NDE1: variants seen among roughly 807,000 people sequenced by gnomAD.
NDE1 encodes nuclear distribution protein nudE homolog 1.
Under a neutral mutation model 43.4 loss-of-function variants are expected in NDE1, and 28 were observed. That is an observed-to-expected ratio of 0.65 (90% confidence interval 0.48 to 0.89). NDE1 has a LOEUF of 0.89. Among genes scored for constraint, NDE1 ranks in the 40% least tolerant of loss-of-function variants. NDE1 has a pLI of 0.00. For synonymous variants in NDE1, 184 were observed against 172.0 expected (o/e 1.07, Z -0.55); for missense variants, 441 against 434.1 (o/e 1.02, Z -0.14).
intron 4 of NDE1, 119 bp downstream of exon 4, chr16:15,678,068 C>T: frequency 2.3e-6 from 3 of 1,292,846 alleles, no homozygotes; most frequent in Non-Finnish European, 3.3e-6. Flanking sequence ...AGAACAAAGC[C>T]AGTGCCCTTC....
At chr16:15,658,499 G>T (rs1432307055) in intron 1 of NDE1, among the ~76,000 whole-genome samples, 1 of 152,130 alleles carries the variant, frequency 6.6e-6, no homozygotes, top group Non-Finnish European at 1.5e-5. Context: ...CTCTTCCCAG[G>T]TGTGGAGGAT....
chr16:15,703,062 G>A (rs1206937226), intron 8 of NDE1: 3 of 175,288 alleles, frequency 1.7e-5, no homozygotes, highest in Non-Finnish European at 3.7e-5. Flanking sequence ...TCTTTGGGAC[G>A]ATGAAGCAAA....
intron 4 of NDE1, 111 bp from the exon 5 acceptor site, chr16:15,687,264 G>C: frequency 6.3e-7 from 1 of 1,595,672 alleles, no homozygotes; most frequent in Non-Finnish European, 8.5e-7. Flanking sequence ...GGAAGTTTGG[G>C]GCTGGGACTT....
Position 15,725,162 on chromosome 16 carries a change from C to CA in NDE1, c.*919dup, listed in dbSNP as rs886051749. 112 of 636,308 alleles carry CA rather than the reference C, an allele frequency of 1.8e-4. No individual in the cohort carries two copies. The highest frequency in any genetic ancestry group is 1.1e-3 in the South Asian group (58 of 54,738). 39.4% of individuals were successfully genotyped at this position (636,308 alleles called of 1,614,324 possible). A position where few individuals can be genotyped will look rare whatever the true frequency, so the allele number is the denominator to read the frequency against. ...AAAAAAAAAAAAACACACACACACA[C>CA]AAAAAAAACAGAATCTGTGGCTTGA... On this transcript the variant is annotated 3_prime_UTR_variant, in exon 9 of 9. Coordinates refer to ENST00000396354, the MANE Select transcript of NDE1 (RefSeq NM_017668.3).
In NDE1 at chr16:15,681,224, C is replaced by A. The variant is rs901971564; in HGVS notation, c.386+3275C>A. On this transcript the variant is annotated intron_variant, in intron 4 of 8. Transcript: ENST00000396354. ...TTTTTATTTTCTTTAGGTGGATAGC[C>A]CAGTTGTGCCAGCACTGTTAAACAC... Among the ~76,000 whole-genome samples the A allele has an allele frequency of 2.8e-4, 35 of 123,674 alleles. No homozygotes were observed. In the East Asian group the frequency reaches 5.6e-3, roughly 20 times the overall value. The allele number at this position is 123,674 out of a possible 152,430, so 81.1% of individuals were successfully genotyped here. A position where few individuals can be genotyped will look rare whatever the true frequency, so the allele number is the denominator to read the frequency against.
intron 8 of NDE1, among the ~76,000 whole-genome samples, chr16:15,721,943 C>T (rs969681434): frequency 7.2e-5 from 11 of 152,048 alleles, no homozygotes; most frequent in South Asian, 2.1e-4. Flanking sequence ...CTGCAACCTC[C>T]GCCTCGTGGG....
chr16:15,695,685 T>C, intron 7 of NDE1: 1 of 985,394 alleles, frequency 1.0e-6, no homozygotes, highest in Non-Finnish European at 1.2e-6. Flanking sequence ...CTGTACACAG[T>C]GTATTTGTAG....
At chr16:15,670,316 G>A (rs1284703068) in intron 3 of NDE1, among the ~76,000 whole-genome samples, 5 of 152,108 alleles carry the variant, frequency 3.3e-5, no homozygotes, top group African/African-American at 1.2e-4. Context: ...TGAAGCAGTT[G>A]GGGACGTGAA....
chr16:15,695,395 C>A, intron 7 of NDE1: 1 of 641,896 alleles, frequency 1.6e-6, no homozygotes, highest in Non-Finnish European at 1.9e-6. Context: ...GCGATCCCAG[C>A]TACTTGAGAG....
At chr16:15,719,497 G>A in intron 8 of NDE1, 1 of 1,596,118 alleles carries the variant, frequency 6.3e-7, no homozygotes, top group Non-Finnish European at 8.6e-7. Context: ...AGGACGAAAT[G>A]AAATCTGGGA....
intron 8 of NDE1, chr16:15,713,061 A>AGTTTACG (rs1567680536): frequency 1.3e-5 from 2 of 151,510 alleles, no homozygotes; most frequent in Non-Finnish European, 2.9e-5. Context: ...CGGCATTCAC[A>AGTTTACG]TCCAGTTTTG....
intron 1 of NDE1, among the ~76,000 whole-genome samples, chr16:15,662,584 C>G (rs917917892): frequency 3.3e-5 from 5 of 151,682 alleles, no homozygotes; most frequent in Non-Finnish European, 7.4e-5. Flanking sequence ...TGCCTGGTCT[C>G]TTTTCTTTTT....
At chr16:15,708,705 G>A in intron 8 of NDE1, 1 of 1,292,448 alleles carries the variant, frequency 7.7e-7, no homozygotes, top group Admixed American at 2.0e-5. Context: ...GTGGAAATGT[G>A]CAAGGGTTTA....
chr16:15,723,053 G>A (rs926830084), intron 8 of NDE1, among the ~76,000 whole-genome samples: 17 of 152,208 alleles, frequency 1.1e-4, no homozygotes, highest in Admixed American at 2.6e-4. Flanking sequence ...CTCTCAAACT[G>A]ATTTTTAGAA....
intron 4 of NDE1, 125 bp downstream of exon 4, chr16:15,678,074 C>A (rs117370211): frequency 0.015 from 18,571 of 1,252,766 alleles, 197 homozygotes; most frequent in East Asian, 0.035. Context: ...AAGCCAGTGC[C>A]CTTCTGGATT....
intron 4 of NDE1, among the ~76,000 whole-genome samples, chr16:15,685,969 T>TG (rs1474812873): frequency 6.6e-6 from 1 of 151,236 alleles, no homozygotes; most frequent in African/African-American, 2.4e-5. Context: ...TTTTTTTTTT[T>TG]GGGAAACATT....
At chr16:15,714,120 G>GTGT (rs2039979723) in intron 8 of NDE1, 1 of 152,686 alleles carries the variant, frequency 6.5e-6, no homozygotes, top group Non-Finnish European at 1.5e-5. Context: ...GTGAGGAGTG[G>GTGT]TGTGGGAGAC....
chr16:15,705,004 T>G (rs572610791), intron 8 of NDE1, among the ~76,000 whole-genome samples: 1 of 152,034 alleles, frequency 6.6e-6, no homozygotes, highest in African/African-American at 2.4e-5. Context: ...AAAAAGAAAT[T>G]TAAGAGTCTC....
chr16:15,722,540 C>G (rs2151213816), intron 8 of NDE1, among the ~76,000 whole-genome samples: 1 of 152,314 alleles, frequency 6.6e-6, no homozygotes, highest in Admixed American at 6.5e-5. Flanking sequence ...GCACTACACT[C>G]TATGTGACAG....
Sources: gnomAD v4.1 joint callset for allele counts (sites outside exome capture counted in the v4.1 genomes callset) on GRCh38, gnomAD v4.1.1 for gene constraint, MANE v1.5 for transcripts, NCBI Gene and HGNC (gene_info 2026-07-23, HGNC 2026-07-21) for gene names.